CLSTN2: variants seen among roughly 807,000 people sequenced by gnomAD.
CLSTN2 encodes the protein calsyntenin 2, also known as calsyntenin-2.
A neutral mutation model predicts 101.2 loss-of-function variants in CLSTN2; 48 were observed. That is an observed-to-expected ratio of 0.47 (90% CI 0.38 to 0.60). The LOEUF (loss-of-function observed/expected upper bound fraction) is 0.60. CLSTN2 is among the 20% of genes least tolerant of loss of function. The pLI is 0.00. For synonymous variants in CLSTN2, 481 were observed against 463.6 expected, an observed-to-expected ratio of 1.04 and a Z score of -0.48; for missense variants, 1,160 against 1,238.2, an observed-to-expected ratio of 0.94 and a Z score of 0.95.
At chr3:140,178,237 GA>G (rs996113119) in intron 2 of CLSTN2, among the ~76,000 whole-genome samples, 34 of 147,466 alleles carry the variant, frequency 2.3e-4, no homozygotes, top group South Asian at 4.3e-4. Flanking sequence ...GACCACAATA[GA>G]AAAAAAAAAT....
chr3:140,307,272 C>CA (rs1340631212), intron 2 of CLSTN2, among the ~76,000 whole-genome samples: 1 of 152,146 alleles, frequency 6.6e-6, no homozygotes, highest in Non-Finnish European at 1.5e-5. Context: ...TAATACAACT[C>CA]AGAGTCCCAA....
At chr3:139,960,902 A>G (rs9813092) in intron 1 of CLSTN2, among the ~76,000 whole-genome samples, 10,135 of 152,302 alleles carry the variant, frequency 0.067, 401 homozygotes, top group Non-Finnish European at 0.089. Context: ...ATTATTAAAT[A>G]GGTCTTGAAA....
At chr3:140,225,775 A>C (rs995685547) in intron 2 of CLSTN2, among the ~76,000 whole-genome samples, 2 of 152,136 alleles carry the variant, frequency 1.3e-5, no homozygotes, top group Admixed American at 1.3e-4. Context: ...GATTACAGGC[A>C]TGAGCCACTG....
At chr3:140,306,505 A>G (rs1013423587) in intron 2 of CLSTN2, among the ~76,000 whole-genome samples, 2 of 152,168 alleles carry the variant, frequency 1.3e-5, no homozygotes, top group African/African-American at 4.8e-5. Flanking sequence ...GAACCTTTGT[A>G]AAGTGGAAGT....
At chr3:140,222,474 T>C (rs1283712021) in intron 2 of CLSTN2, among the ~76,000 whole-genome samples, 2 of 152,068 alleles carry the variant, frequency 1.3e-5, no homozygotes, top group Non-Finnish European at 2.9e-5. Context: ...CTGAAAAAAA[T>C]ATAATTGGAT....
intron 2 of CLSTN2, among the ~76,000 whole-genome samples, chr3:140,283,091 T>C (rs1271822776): frequency 1.3e-5 from 2 of 152,172 alleles, no homozygotes; most frequent in Non-Finnish European, 2.9e-5. Context: ...TTTCCAATTG[T>C]AAGCAGACAT....
At chr3:140,174,617 C>A (rs1457016300) in intron 1 of CLSTN2, among the ~76,000 whole-genome samples, 1 of 152,120 alleles carries the variant, frequency 6.6e-6, no homozygotes, top group Admixed American at 6.6e-5. Flanking sequence ...GGACCTCTTA[C>A]CATCCTGTCT....
At chr3:140,450,589 T>A (rs372203338) in intron 6 of CLSTN2, among the ~76,000 whole-genome samples, 9 of 152,138 alleles carry the variant, frequency 5.9e-5, no homozygotes, top group Non-Finnish European at 8.8e-5. Flanking sequence ...TATTTGGAGG[T>A]AACTGCATCT....
intron 1 of CLSTN2, among the ~76,000 whole-genome samples, chr3:139,962,120 A>G (rs1010320825): frequency 6.6e-6 from 1 of 152,090 alleles, no homozygotes; most frequent in Admixed American, 6.5e-5. Flanking sequence ...AACTTATTTT[A>G]TGTCCTTAGG....
chr3:140,346,390 C>T (rs530005213), intron 2 of CLSTN2, among the ~76,000 whole-genome samples: 2 of 152,250 alleles, frequency 1.3e-5, no homozygotes, highest in East Asian at 1.9e-4. Flanking sequence ...ATCTGGCACC[C>T]TCATCTTGTT....
At chr3:140,324,979 T>C (rs1382383909) in intron 2 of CLSTN2, among the ~76,000 whole-genome samples, 4 of 152,248 alleles carry the variant, frequency 2.6e-5, no homozygotes, top group Non-Finnish European at 4.4e-5. Flanking sequence ...TTAATATCTA[T>C]GACAAATTAA....
intron 8 of CLSTN2, among the ~76,000 whole-genome samples, chr3:140,500,548 T>C (rs991776318): frequency 6.6e-6 from 1 of 152,202 alleles, no homozygotes; most frequent in Non-Finnish European, 1.5e-5. Context: ...ATTCTTTGCC[T>C]GTGTTTGATT....
intron 1 of CLSTN2, among the ~76,000 whole-genome samples, chr3:140,051,740 T>A (rs1284595906): frequency 6.6e-6 from 1 of 152,194 alleles, no homozygotes; most frequent in East Asian, 1.9e-4. Context: ...GATGGTGGTG[T>A]CATTGGTCTG....
chr3:140,554,708 C>T (rs977417953), intron 10 of CLSTN2, among the ~76,000 whole-genome samples: 4 of 152,066 alleles, frequency 2.6e-5, no homozygotes, highest in Non-Finnish European at 5.9e-5. Context: ...CTTCTGACAC[C>T]GTCAGTAAAA....
chr3:140,376,960 G>A (rs1185731493), intron 2 of CLSTN2, among the ~76,000 whole-genome samples: 1 of 151,912 alleles, frequency 6.6e-6, no homozygotes, highest in Non-Finnish European at 1.5e-5. Flanking sequence ...GGTAGCAGAT[G>A]CATACAGGAA....
intron 1 of CLSTN2, among the ~76,000 whole-genome samples, chr3:140,139,338 T>G (rs74353761): frequency 0.012 from 1,896 of 152,332 alleles, 40 homozygotes; most frequent in African/African-American, 0.042. Context: ...AAGGTTTTGA[T>G]GAAGTCTAAG....
At chr3:140,236,326 T>C (rs746914289) in intron 2 of CLSTN2, among the ~76,000 whole-genome samples, 5 of 152,226 alleles carry the variant, frequency 3.3e-5, no homozygotes, top group African/African-American at 7.2e-5. Context: ...TGTATTGTTA[T>C]ATTGTTTCTG....
intron 1 of CLSTN2, among the ~76,000 whole-genome samples, chr3:140,021,745 T>A (rs2007321109): frequency 6.6e-6 from 1 of 152,184 alleles, no homozygotes; most frequent in African/African-American, 2.4e-5. Context: ...CCATAAGAGA[T>A]CAATTTCTTT....
intron 2 of CLSTN2, among the ~76,000 whole-genome samples, chr3:140,259,082 T>A (rs1366348579): frequency 1.3e-5 from 2 of 152,112 alleles, no homozygotes; most frequent in Non-Finnish European, 2.9e-5. Context: ...CAATCCTTTT[T>A]ATACTTTTAT....
Sources: gnomAD v4.1 joint callset for allele counts (sites outside exome capture counted in the v4.1 genomes callset) on GRCh38, gnomAD v4.1.1 for gene constraint, MANE v1.5 for transcripts, NCBI Gene and HGNC (gene_info 2026-07-23, HGNC 2026-07-21) for gene names.